TCF20: variants seen among roughly 807,000 people sequenced by gnomAD.
TCF20 encodes SPRE-binding protein.
Under a neutral mutation model 148.6 loss-of-function variants are expected in TCF20, and 3 were observed. The ratio of observed to expected loss-of-function variants is 0.02; its 90% CI spans 0.01 to 0.05. The LOEUF is 0.05. Ranked by LOEUF, TCF20 falls within the 10% of genes least tolerant of loss-of-function variation. TCF20 has a pLI of 1.00. For synonymous variants in TCF20, 1,049 were observed against 909.5 expected (o/e 1.15, Z -2.76); for missense variants, 2,350 against 2,429.3 (o/e 0.97, Z 0.69).
intron 2 of TCF20, among the ~76,000 whole-genome samples, chr22:42,203,919 C>A (rs1388187125): frequency 6.6e-6 from 1 of 152,096 alleles, no homozygotes; most frequent in Non-Finnish European, 1.5e-5. Flanking sequence ...GGGGGCCTTG[C>A]CAGGCCCTGG....
At chr22:42,258,529 C>T (rs1008117484) in intron 1 of TCF20, among the ~76,000 whole-genome samples, 7 of 152,202 alleles carry the variant, frequency 4.6e-5, no homozygotes, top group South Asian at 2.1e-4. Flanking sequence ...TCAGAATTTA[C>T]GCATGCTCTG....
At chr22:42,231,973 T>A (rs1923459660) in intron 1 of TCF20, among the ~76,000 whole-genome samples, 1 of 149,618 alleles carries the variant, frequency 6.7e-6, no homozygotes, top group Admixed American at 6.6e-5. Context: ...GTTAATAATA[T>A]CAAAACAAGA....
intron 1 of TCF20, among the ~76,000 whole-genome samples, chr22:42,252,168 T>A (rs561294526): frequency 6.7e-6 from 1 of 150,352 alleles, no homozygotes; most frequent in South Asian, 2.1e-4. Flanking sequence ...GCACCTATAA[T>A]CCCAGCTACT....
chr22:42,323,933 T>TCGC lies in TCF20; in HGVS notation c.-37+19545_-37+19546insGCG, dbSNP rs1252801967. Among the ~76,000 whole-genome samples the TCGC allele has an allele frequency of 4.0e-5, 5 of 123,868 alleles. 1 individual carries two copies. Among genetic ancestry groups the TCGC allele is most frequent in the Non-Finnish European group, 7.1e-5 (4 of 56,090 alleles). The allele number at this position is 123,868 out of a possible 152,430, so 81.3% of individuals were successfully genotyped here. A position where few individuals can be genotyped will look rare whatever the true frequency, so the allele number is the denominator to read the frequency against. ...GTGGTGGTGATGGAGGTTATGGTGGTGGTGGTGGTGATGGAGGTTATGGTG... is the reference window on the plus strand; with the variant it reads ...GTGGTGGTGATGGAGGTTATGGTGGTCGCGGTGGTGGTGATGGAGGTTATGGTG... On this transcript the variant is annotated intron_variant, in intron 1 of 1. Coordinates refer to the TCF20 transcript ENST00000515426.
At chr22:42,241,378 T>G (rs1281309383) in intron 1 of TCF20, among the ~76,000 whole-genome samples, 1 of 152,136 alleles carries the variant, frequency 6.6e-6, no homozygotes, top group African/African-American at 2.4e-5. Context: ...ATAAAAGAAT[T>G]ATATTTAGTA....
intron 5 of TCF20, among the ~76,000 whole-genome samples, chr22:42,166,701 G>C (rs73429683): frequency 0.039 from 5,962 of 152,004 alleles, 393 homozygotes; most frequent in African/African-American, 0.14. Flanking sequence ...AAATCCCCAG[G>C]AGATTTGTCC....
At chr22:42,257,862 C>T (rs959767499) in intron 1 of TCF20, among the ~76,000 whole-genome samples, 2 of 152,204 alleles carry the variant, frequency 1.3e-5, no homozygotes, top group African/African-American at 4.8e-5. Flanking sequence ...GCCCCCCTGC[C>T]GCCTTTCTTC....
At chr22:42,233,242 C>T (rs1923593415) in intron 1 of TCF20, among the ~76,000 whole-genome samples, 1 of 152,134 alleles carries the variant, frequency 6.6e-6, no homozygotes, top group African/African-American at 2.4e-5. Context: ...ATATTATAGT[C>T]TCATTTAATC....
intron 1 of TCF20, among the ~76,000 whole-genome samples, chr22:42,233,529 C>T (rs1923616703): frequency 6.6e-6 from 1 of 152,228 alleles, no homozygotes; most frequent in Non-Finnish European, 1.5e-5. Flanking sequence ...AAGTCCAGTG[C>T]AAATCGCACT....
intron 1 of TCF20, among the ~76,000 whole-genome samples, chr22:42,249,431 A>C (rs1464567097): frequency 1.3e-5 from 2 of 152,204 alleles, no homozygotes; most frequent in East Asian, 1.9e-4. Context: ...GGGGAAGCTG[A>C]GTATCAGTTC....
intron 2 of TCF20, among the ~76,000 whole-genome samples, chr22:42,185,556 A>C (rs1191967758): frequency 6.6e-6 from 1 of 151,990 alleles, no homozygotes; most frequent in Non-Finnish European, 1.5e-5. Flanking sequence ...TATGCCTCCT[A>C]CATCTAGGAT....
rs952917550 is a variant in TCF20, at chr22:42,299,170, A to T, written c.-37+44309T>A. On this transcript the variant is annotated intron_variant, in intron 1 of 1. Coordinates refer to the TCF20 transcript ENST00000515426. This position sits in a 1 kb window ranked among gnomAD's most constrained non-coding sequence, Gnocchi z 4.1. ...GGCCCTGCAGGCTTCTCTGGCCTTT[A>T]GAAGGCACGGGAGGATGGGGGCAAG... 1.3e-5 allele frequency among the ~76,000 whole-genome samples: 2 copies of T among 152,190 alleles called. No homozygotes were observed. Among genetic ancestry groups the T allele is most frequent in the African/African-American group, 2.4e-5 (1 of 41,438 alleles).
intron 1 of TCF20, among the ~76,000 whole-genome samples, chr22:42,253,807 G>T (rs1328552866): frequency 6.6e-6 from 1 of 152,184 alleles, no homozygotes; most frequent in African/African-American, 2.4e-5. Context: ...GCCGGGCATG[G>T]TGGCTCATGC....
chr22:42,166,556 C>T (rs1228173263), intron 5 of TCF20, among the ~76,000 whole-genome samples: 5 of 151,300 alleles, frequency 3.3e-5, no homozygotes, highest in African/African-American at 1.2e-4. Context: ...TTGCAGTGAG[C>T]CGAGATCGTG....
chr22:42,327,446 A>G (rs1263180589), intron 1 of TCF20, among the ~76,000 whole-genome samples: 23 of 152,258 alleles, frequency 1.5e-4, no homozygotes, highest in Non-Finnish European at 7.4e-5. Flanking sequence ...AGGCCTCTCC[A>G]CCAACCTGCA....
rs1225024888 is a variant in TCF20 at position 42,297,366 on chromosome 22, A to C, written c.-37+46113T>G. Among the ~76,000 whole-genome samples, 1 of 152,216 alleles carries C rather than the reference A, an allele frequency of 6.6e-6. No homozygotes were observed. The highest frequency in any genetic ancestry group is 2.4e-5 in the African/African-American group (1 of 41,452). On this transcript the variant is annotated intron_variant, in intron 1 of 1. Coordinates refer to the TCF20 transcript ENST00000515426. This position sits in a 1 kb window ranked among gnomAD's most constrained non-coding sequence, Gnocchi z 4.3. ...TTGGTCATATTCATGGAGCGGCAAG[A>C]ATGAGGAGTGGGTCCTCATTTGCAT...
chr22:42,218,846 T>A (rs1922059563), intron 1 of TCF20, among the ~76,000 whole-genome samples: 1 of 151,942 alleles, frequency 6.6e-6, no homozygotes, highest in African/African-American at 2.4e-5. Context: ...GCAGATTCCC[T>A]GTCCTGTATG....
chr22:42,291,715 G>A (rs563319660), intron 1 of TCF20, among the ~76,000 whole-genome samples: 3 of 152,016 alleles, frequency 2.0e-5, no homozygotes, highest in Admixed American at 6.5e-5. Context: ...ATCCTGACCC[G>A]GCTGCCTGGC....
intron 1 of TCF20, among the ~76,000 whole-genome samples, chr22:42,265,969 G>C (rs1387003537): frequency 6.6e-6 from 1 of 151,920 alleles, no homozygotes; most frequent in African/African-American, 2.4e-5. Flanking sequence ...GTATGGGCAA[G>C]GTAAAAGTTT....
Sources: allele counts gnomAD v4.1 joint callset (sites outside exome capture counted in the v4.1 genomes callset), GRCh38; gene constraint gnomAD v4.1.1; non-coding constraint Gnocchi (gnomAD v3.1); transcripts MANE v1.5; gene names NCBI Gene and HGNC (gene_info 2026-07-23, HGNC 2026-07-21).